ABCC4: variants seen among roughly 807,000 people sequenced by gnomAD.
ABCC4 encodes ATP binding cassette subfamily C member 4 (PEL blood group).
In ABCC4, 102 loss-of-function variants were observed where a neutral mutation model predicts 168.5. The ratio of observed to expected loss-of-function variants is 0.61; its 90% CI spans 0.52 to 0.71. The LOEUF (loss-of-function observed/expected upper bound fraction) is 0.71. Among genes scored for constraint, ABCC4 ranks in the 30% least tolerant of loss-of-function variants. The pLI is 0.00. For missense variants in ABCC4, 1,402 were observed against 1,605.8 expected (o/e 0.87, Z 2.17); for synonymous variants, 617 against 590.7 (o/e 1.04, Z -0.65).
chr13:95,234,601 G>A lies in ABCC4; in HGVS notation c.531+9C>T. ...GTGAGGTACATGTTTAATGCTGAAT[G>A]TCACTTACCTTCCGATAAATCATAT... On this transcript the variant is annotated intron_variant, in intron 4 of 30. Transcript: ENST00000645237. 3 of 1,608,036 alleles carry A rather than the reference G, an allele frequency of 1.9e-6. No homozygotes were observed. Among genetic ancestry groups the A allele is most frequent in the Middle Eastern group, 1.7e-4 (1 of 6,050 alleles).
chr13:95,163,670 G>T, intron 16 of ABCC4, 23 bp from the exon 17 acceptor site: 1 of 1,605,052 alleles, frequency 6.2e-7, no homozygotes, highest in Non-Finnish European at 8.5e-7. Flanking sequence ...AAACAACAAA[G>T]ACAAAAATCA....
intron 9 of ABCC4, among the ~76,000 whole-genome samples, chr13:95,189,842 T>C (rs748079216): frequency 6.6e-6 from 1 of 152,182 alleles, no homozygotes; most frequent in Non-Finnish European, 1.5e-5. Flanking sequence ...GACAGCATAG[T>C]AGTTCTACTA....
chr13:95,082,719 T>A (rs1298502277), intron 21 of ABCC4, among the ~76,000 whole-genome samples: 1 of 152,214 alleles, frequency 6.6e-6, no homozygotes, highest in Non-Finnish European at 1.5e-5. Flanking sequence ...TCATTTTTAG[T>A]ATCTTCGGGG....
intron 20 of ABCC4, among the ~76,000 whole-genome samples, chr13:95,095,591 A>G (rs1293908451): frequency 6.6e-6 from 1 of 152,158 alleles, no homozygotes; most frequent in Non-Finnish European, 1.5e-5. Flanking sequence ...GGTGCAGTGT[A>G]CACTGCTTGG....
intron 11 of ABCC4, 110 bp from the exon 12 acceptor site, chr13:95,178,201 A>G (rs914018153): frequency 1.5e-5 from 14 of 905,904 alleles, no homozygotes; most frequent in Non-Finnish European, 2.5e-5. Context: ...AGTTCTTCAG[A>G]AATTTACATG....
chr13:95,164,056 A>AAAAAAGAAAGAAAGAC (rs2037191447), intron 16 of ABCC4, among the ~76,000 whole-genome samples: 1 of 115,846 alleles, frequency 8.6e-6, no homozygotes. Flanking sequence ...AAAAAAAAAA[A>AAAAAAGAAAGAAAGAC]AGAAAGAAAG....
intron 19 of ABCC4, among the ~76,000 whole-genome samples, chr13:95,143,031 T>C (rs568135578): frequency 7.9e-5 from 12 of 152,266 alleles, no homozygotes; most frequent in African/African-American, 2.4e-4. Context: ...AGCCTAGCTA[T>C]ATAAATAAAA....
intron 1 of ABCC4, among the ~76,000 whole-genome samples, chr13:95,250,017 T>C (rs892564502): frequency 2.6e-5 from 4 of 152,226 alleles, no homozygotes; most frequent in African/African-American, 7.2e-5. Context: ...CTCTCTCTCA[T>C]TGCCCAGATC....
At chr13:95,159,774 T>C (rs891059668) in intron 19 of ABCC4, among the ~76,000 whole-genome samples, 2 of 152,202 alleles carry the variant, frequency 1.3e-5, no homozygotes, top group Non-Finnish European at 2.9e-5. Context: ...TGCACAGTGC[T>C]TGGACTGAAA....
At chr13:95,297,241 T>C (rs1468683481) in intron 1 of ABCC4, among the ~76,000 whole-genome samples, 4 of 143,482 alleles carry the variant, frequency 2.8e-5, no homozygotes, top group African/African-American at 1.0e-4. Flanking sequence ...ACGGCCAGCC[T>C]GGCAACAGAG....
In ABCC4 at chr13:95,021,568, G is replaced by T. The variant is rs372817857; in HGVS notation, c.*7C>A. ...CCTTCGGAACGGACTTGACATTTTG[G>T]TTGGATTCACAGTGCTGTCTCGAAA... On this transcript the variant is annotated 3_prime_UTR_variant, in exon 31 of 31. Transcript: ENST00000645237. 88 of 1,586,964 alleles carry T rather than the reference G, an allele frequency of 5.5e-5. No homozygotes were observed. The highest frequency in any genetic ancestry group is 7.3e-5 in the Non-Finnish European group (85 of 1,156,564).
chr13:95,242,374 C>T (rs977849792), intron 3 of ABCC4, among the ~76,000 whole-genome samples: 1 of 151,898 alleles, frequency 6.6e-6, no homozygotes, highest in Non-Finnish European at 1.5e-5. Flanking sequence ...ATTACAGGCG[C>T]CCACCACCAT....
chr13:95,134,222 T>C (rs1189388521), intron 19 of ABCC4, among the ~76,000 whole-genome samples: 1 of 152,040 alleles, frequency 6.6e-6, no homozygotes, highest in Non-Finnish European at 1.5e-5. Context: ...CCAAAAAATA[T>C]ATATGTTATT....
intron 30 of ABCC4, among the ~76,000 whole-genome samples, chr13:95,029,730 C>T (rs567653062): frequency 1.3e-5 from 2 of 152,144 alleles, no homozygotes. Context: ...GCTTTTATAA[C>T]CAATAGCTAG....
intron 19 of ABCC4, among the ~76,000 whole-genome samples, chr13:95,157,256 C>T (rs767714347): frequency 6.6e-6 from 1 of 151,736 alleles, no homozygotes; most frequent in African/African-American, 2.4e-5. Flanking sequence ...CCACATTGCT[C>T]GTCAGTACTT....
At chr13:95,128,468 T>C (rs932780329) in intron 19 of ABCC4, among the ~76,000 whole-genome samples, 24 of 152,250 alleles carry the variant, frequency 1.6e-4, no homozygotes, top group African/African-American at 2.2e-4. Flanking sequence ...ATTCTGAATG[T>C]GTTCAGCTGC....
chr13:95,132,341 G>A (rs542225038), intron 19 of ABCC4, among the ~76,000 whole-genome samples: 11 of 152,072 alleles, frequency 7.2e-5, no homozygotes, highest in East Asian at 3.9e-4. Flanking sequence ...TCAGCCTCTC[G>A]AGTAGCTGGA....
chr13:95,121,974 C>T (rs1044506013), intron 19 of ABCC4, among the ~76,000 whole-genome samples: 7 of 152,128 alleles, frequency 4.6e-5, no homozygotes, highest in African/African-American at 1.7e-4. Flanking sequence ...AGACAAAAGC[C>T]AATCTTGCTC....
At chr13:95,132,788 C>A (rs1298001236) in intron 19 of ABCC4, among the ~76,000 whole-genome samples, 2 of 152,044 alleles carry the variant, frequency 1.3e-5, no homozygotes, top group Non-Finnish European at 2.9e-5. Context: ...ACCATAAGGA[C>A]ATTACACGAA....
Sources: allele counts gnomAD v4.1 joint callset (sites outside exome capture counted in the v4.1 genomes callset), GRCh38; gene constraint gnomAD v4.1.1; transcripts MANE v1.5; gene names NCBI Gene and HGNC (gene_info 2026-07-23, HGNC 2026-07-21).